NOMO3: variants seen among roughly 807,000 people sequenced by gnomAD.
NOMO3 encodes the protein NODAL modulator 3.
A neutral mutation model predicts 69.9 loss-of-function variants in NOMO3; 15 were observed. The ratio of observed to expected loss-of-function variants is 0.21; its 90% confidence interval spans 0.14 to 0.33. The LOEUF is 0.33. NOMO3 is among the 10% of genes least tolerant of loss of function. The pLI, the probability that NOMO3 is intolerant of heterozygous loss-of-function variation, is 1.00. For missense variants in NOMO3, 218 were observed against 761.0 expected, an observed-to-expected ratio of 0.29 and a Z score of 8.39; for synonymous variants, 89 against 301.9, an observed-to-expected ratio of 0.29 and a Z score of 7.31.
At chr16:16,248,527 A>T in intron 6 of NOMO3, among the ~76,000 whole-genome samples, 1 of 144,934 alleles carries the variant, frequency 6.9e-6, no homozygotes, top group Non-Finnish European at 1.5e-5. Flanking sequence ...CCTCCCAAGG[A>T]TCTGGAACTG....
At chr16:16,266,173 G>A (rs1302681874) in intron 15 of NOMO3, among the ~76,000 whole-genome samples, 6 of 138,430 alleles carry the variant, frequency 4.3e-5, no homozygotes, top group African/African-American at 6.2e-5. Flanking sequence ...AGATGTCATC[G>A]TCAGGTCTTA....
chr16:16,265,247 C>T (rs2049601637), intron 15 of NOMO3, 68 bp downstream of exon 15: 1 of 1,588,870 alleles, frequency 6.3e-7, no homozygotes, highest in Non-Finnish European at 8.5e-7. Flanking sequence ...GAAAGACTAA[C>T]ATCCCAGGAA....
chr16:16,244,527 T>A, intron 4 of NOMO3, among the ~76,000 whole-genome samples: 1 of 100,496 alleles, frequency 1.0e-5, no homozygotes, highest in Admixed American at 9.6e-5. Flanking sequence ...TTTTTTTTTT[T>A]TTTTTTTTAA....
intron 4 of NOMO3, among the ~76,000 whole-genome samples, chr16:16,243,783 C>G (rs2049393473): frequency 7.1e-6 from 1 of 141,734 alleles, no homozygotes; most frequent in Admixed American, 6.8e-5. Flanking sequence ...CCTCCACCTC[C>G]CATAGTGCTG....
At chr16:16,269,057 A>G (rs1192210061) in intron 16 of NOMO3, among the ~76,000 whole-genome samples, 2 of 141,730 alleles carry the variant, frequency 1.4e-5, no homozygotes, top group Non-Finnish European at 3.0e-5. Context: ...TGAGGAAACA[A>G]TGAGCCAGCC....
At chr16:16,258,666 G>C (rs1026084948) in intron 11 of NOMO3, among the ~76,000 whole-genome samples, 4 of 143,012 alleles carry the variant, frequency 2.8e-5, no homozygotes, top group South Asian at 2.2e-4. Context: ...GAGTTCAAGC[G>C]CAGCCTGGCC....
rs552144556 is a variant in NOMO3, at chr16:16,263,070, G to C, written c.1396-4G>C. 6.3e-7 allele frequency: 1 copy of C among 1,592,894 alleles called. No homozygotes were observed. Among genetic ancestry groups the C allele is most frequent in the African/African-American group, 1.6e-5 (1 of 64,162 alleles). Reference sequence around the variant, plus strand: ...CCTCTAACGTTCCATCCACGTTTCCGCAGGTGATGGTTCCTGAGGCAGAAA... The same window carrying C: ...CCTCTAACGTTCCATCCACGTTTCCCCAGGTGATGGTTCCTGAGGCAGAAA... On this transcript the variant is annotated splice_polypyrimidine_tract_variant and splice_region_variant and intron_variant, in intron 12 of 30. Coordinates refer to ENST00000399336, the MANE Select transcript of NOMO3 (RefSeq NM_001004067.4).
intron 1 of NOMO3, among the ~76,000 whole-genome samples, chr16:16,234,912 C>G (rs1426727876): frequency 6.6e-6 from 1 of 152,014 alleles, no homozygotes; most frequent in African/African-American, 2.4e-5. Flanking sequence ...GGAAAGCCAG[C>G]CGATCTTTAG....
At chr16:16,249,223 C>G (rs1331193092) in intron 6 of NOMO3, among the ~76,000 whole-genome samples, 1 of 145,544 alleles carries the variant, frequency 6.9e-6, no homozygotes, top group Non-Finnish European at 1.5e-5. Context: ...ACCTAGATGT[C>G]TCTTCTTACT....
intron 3 of NOMO3, among the ~76,000 whole-genome samples, chr16:16,241,396 A>G (rs1423799275): frequency 2.8e-5 from 4 of 143,430 alleles, no homozygotes; most frequent in Non-Finnish European, 4.5e-5. Flanking sequence ...TTTATATTTT[A>G]TAAAATACTT....
chr16:16,245,583 T>C (rs2049410257), intron 5 of NOMO3, among the ~76,000 whole-genome samples: 1 of 133,282 alleles, frequency 7.5e-6, no homozygotes, highest in Non-Finnish European at 1.5e-5. Flanking sequence ...ATTAGCTGGG[T>C]GTGGTGGCAT....
Position 16,250,205 on chromosome 16 carries a change from T to C in NOMO3, c.583-723T>C, listed in dbSNP as rs1011322447. 9.7e-5 allele frequency among the ~76,000 whole-genome samples: 14 copies of C among 143,900 alleles called. 2 individuals are homozygous for C. Among genetic ancestry groups the C allele is most frequent in the Middle Eastern group, 3.5e-3 (1 of 284 alleles). The allele number at this position is 143,900 out of a possible 152,430, so 94.4% of individuals were successfully genotyped here. ...CTGTGAGTAGTTGAAGGGTGGCTGC[T>C]TGAATTGGGTGAGACTTGGCAACAC... On this transcript the variant is annotated intron_variant, in intron 6 of 30. Transcript: ENST00000399336.
chr16:16,254,828 C>A (rs1425835212), intron 9 of NOMO3, among the ~76,000 whole-genome samples: 1 of 144,972 alleles, frequency 6.9e-6, no homozygotes, highest in African/African-American at 2.8e-5. Context: ...CTGTGCTGCT[C>A]ACAGGCGAGT....
intron 8 of NOMO3, 152 bp from the exon 9 acceptor site, chr16:16,252,281 G>C (rs1382457858): frequency 1.1e-5 from 17 of 1,502,042 alleles, no homozygotes; most frequent in Admixed American, 1.8e-5. Context: ...AAAAGGGCAA[G>C]GCTTCCTCTT....
At chr16:16,274,129 T>C (rs1328747005) in intron 20 of NOMO3, 54 bp downstream of exon 20, 1 of 1,011,848 alleles carries the variant, frequency 9.9e-7, no homozygotes, top group African/African-American at 2.7e-5. Context: ...GTTGTTCCCT[T>C]GCCTGCATTT....
intron 20 of NOMO3, among the ~76,000 whole-genome samples, 188 bp downstream of exon 20, chr16:16,274,263 A>G (rs62032179): frequency 0.2 from 24,489 of 123,546 alleles, 1,955 homozygotes; most frequent in African/African-American, 0.21. Flanking sequence ...GTTGGGTTGG[A>G]TGGATGGATG....
At chr16:16,256,360 C>T (rs1232202067) in intron 11 of NOMO3, among the ~76,000 whole-genome samples, 1 of 118,404 alleles carries the variant, frequency 8.4e-6, no homozygotes, top group Non-Finnish European at 1.6e-5. Flanking sequence ...ACTGCAACCT[C>T]TGCCTCCCAG....
intron 1 of NOMO3, among the ~76,000 whole-genome samples, chr16:16,234,637 T>A (rs893067937): frequency 6.8e-6 from 1 of 147,472 alleles, no homozygotes; most frequent in Non-Finnish European, 1.5e-5. Context: ...CATTCTTCTC[T>A]AGCTTTCTCC....
At chr16:16,274,253 G>T (rs192855603) in intron 20 of NOMO3, among the ~76,000 whole-genome samples, 178 bp downstream of exon 20, 1,566 of 128,136 alleles carry the variant, frequency 0.012, 69 homozygotes, top group Admixed American at 0.076. Context: ...TGGATGGATG[G>T]TTGGGTTGGA....
Sources: gnomAD v4.1 joint callset for allele counts (sites outside exome capture counted in the v4.1 genomes callset) on GRCh38, gnomAD v4.1.1 for gene constraint, MANE v1.5 for transcripts, NCBI Gene and HGNC (gene_info 2026-07-23, HGNC 2026-07-21) for gene names.